Variants in PCDH10 observed in about 807,000 individuals in gnomAD.
PCDH10 encodes protocadherin-10.
A neutral mutation model predicts 74.4 loss-of-function variants in PCDH10; 15 were observed. The ratio of observed to expected loss-of-function variants is 0.20; its 90% CI spans 0.13 to 0.31. PCDH10 has a LOEUF of 0.31. Ranked by LOEUF, PCDH10 falls within the 10% of genes least tolerant of loss-of-function variation. The pLI is 1.00. For missense variants in PCDH10, 1,260 were observed against 1,390.2 expected (o/e 0.91, Z 1.49); for synonymous variants, 619 against 589.8 (o/e 1.05, Z -0.72).
intron 4 of PCDH10, among the ~76,000 whole-genome samples, chr4:133,184,031 A>T (rs1727474707): frequency 6.6e-6 from 1 of 152,154 alleles, no homozygotes; most frequent in African/African-American, 2.4e-5. Context: ...AGTATTCAAT[A>T]TACACATAAA....
Position 133,150,932 on chromosome 4 carries a change from C to G in PCDH10, c.792C>G (p.Pro264=), listed in dbSNP as rs139977349. 53 of 1,613,788 alleles carry G rather than the reference C, an allele frequency of 3.3e-5. No individual in the cohort carries two copies. The highest frequency in any genetic ancestry group is 4.2e-5 in the Non-Finnish European group (49 of 1,180,044). The change falls in exon 1 of 5, where the codon CCC becomes CCG. Residue 264 remains proline, a synonymous_variant. Coordinates refer to ENST00000264360, the MANE Select transcript of PCDH10 (RefSeq NM_032961.3). ...VYTVSLPENS[P]PGTLVIQLNA... ...CTGTGTCCCTACCAGAGAACTCTCCCCCAGGCACTCTCGTGATCCAGCTCA... is the reference window on the plus strand; with the variant it reads ...CTGTGTCCCTACCAGAGAACTCTCCGCCAGGCACTCTCGTGATCCAGCTCA...
intron 4 of PCDH10, among the ~76,000 whole-genome samples, chr4:133,175,409 GC>G (rs879603665): frequency 2.0e-4 from 30 of 152,038 alleles, no homozygotes; most frequent in Non-Finnish European, 4.0e-4. Context: ...TGTTTTCCAA[GC>G]ACAGTGGTCT....
rs1578557626 is a variant in PCDH10, at chr4:133,152,251, G to T, written c.2111G>T (p.Arg704Leu). The change falls in exon 1 of 5, where the codon CGC becomes CTC. Residue 704 changes from arginine (R) to leucine (L), a missense_variant. Physicochemically the swap from Arg to Leu is moderately radical, Grantham distance 102. Coordinates refer to ENST00000264360, the MANE Select transcript of PCDH10 (RefSeq NM_032961.3). ...TCAGGAGAGCACCAGCGCCCCAGTC[G>T]CTCTGGCGGCGGGGAAACCTCGCTA... ...GGSGEHQRPS[R>L]SGGGETSLDL... 6.2e-7 allele frequency: 1 copy of T among 1,611,894 alleles called. No homozygotes were observed. The highest frequency in any genetic ancestry group is 8.5e-7 in the Non-Finnish European group (1 of 1,178,856).
chr4:133,151,981 C>A lies in PCDH10; in HGVS notation c.1841C>A (p.Ala614Asp). 6.2e-7 allele frequency: 1 copy of A among 1,612,672 alleles called. No individual in the cohort carries two copies. Residue 614 changes from alanine to aspartate, a missense_variant, in exon 1 of 5, where the codon GCC becomes GAC. Transcript: ENST00000264360. ...GTGGACGCGGACGACGGCGAGAACG[C>A]CCGGCTCACTTACAGCATCGTGCGT... ...AAVDADDGEN[A>D]RLTYSIVRGN...
At chr4:133,202,392 G>T (rs909439680) in intron 2 of PCDH10, among the ~76,000 whole-genome samples, 1 of 152,152 alleles carries the variant, frequency 6.6e-6, no homozygotes, top group Non-Finnish European at 1.5e-5. Flanking sequence ...GTACATGGAA[G>T]TTGCACTGAG....
At chr4:133,183,101 G>T (rs1236952510) in intron 4 of PCDH10, among the ~76,000 whole-genome samples, 1 of 151,954 alleles carries the variant, frequency 6.6e-6, no homozygotes, top group Non-Finnish European at 1.5e-5. Context: ...ATATTCAAAT[G>T]TTTTGTCTAT....
At chr4:133,185,171 TATAA>T (rs1321827864) in intron 4 of PCDH10, among the ~76,000 whole-genome samples, 1 of 148,098 alleles carries the variant, frequency 6.8e-6, no homozygotes, top group African/African-American at 2.4e-5. Flanking sequence ...TATTTACACA[TATAA>T]ATAAATATAT....
chr4:133,168,101 T>C (rs1241991991), intron 4 of PCDH10, among the ~76,000 whole-genome samples: 1 of 151,486 alleles, frequency 6.6e-6, no homozygotes, highest in African/African-American at 2.4e-5. Context: ...AACTAACTGA[T>C]GCAGCAGTTG....
chr4:133,169,659 T>C (rs1237307075), intron 4 of PCDH10, among the ~76,000 whole-genome samples: 2 of 151,866 alleles, frequency 1.3e-5, no homozygotes, highest in Non-Finnish European at 2.9e-5. Context: ...TGAAAAGAAA[T>C]ATCTACTTGG....
At chr4:133,168,194 T>G (rs185059258) in intron 4 of PCDH10, among the ~76,000 whole-genome samples, 6 of 151,444 alleles carry the variant, frequency 4.0e-5, no homozygotes, top group African/African-American at 1.4e-4. Flanking sequence ...GTCGTCTATC[T>G]CAGCTAGTAG....
chr4:133,180,044 A>G (rs749171099), intron 4 of PCDH10, among the ~76,000 whole-genome samples: 9 of 151,574 alleles, frequency 5.9e-5, no homozygotes, highest in Non-Finnish European at 1.2e-4. Context: ...CTTCTTTCAA[A>G]TTTTCATAAT....
chr4:133,177,920 G>T (rs1463736327), intron 4 of PCDH10, among the ~76,000 whole-genome samples: 1 of 152,058 alleles, frequency 6.6e-6, no homozygotes, highest in Non-Finnish European at 1.5e-5. Context: ...GGAAGAATTT[G>T]CAGAGCTCAC....
At chr4:133,174,431 T>C (rs996877170) in intron 4 of PCDH10, among the ~76,000 whole-genome samples, 8 of 151,752 alleles carry the variant, frequency 5.3e-5, no homozygotes, top group African/African-American at 1.4e-4. Flanking sequence ...TGGCTAAACA[T>C]TAATACTAAA....
chr4:133,183,686 T>G (rs2125871210), intron 4 of PCDH10, among the ~76,000 whole-genome samples: 1 of 152,264 alleles, frequency 6.6e-6, no homozygotes, highest in African/African-American at 2.4e-5. Context: ...TGAAGTAAAT[T>G]TATTCATTGC....
At chr4:133,202,364 C>T (rs979592157) in intron 2 of PCDH10, among the ~76,000 whole-genome samples, 9 of 152,238 alleles carry the variant, frequency 5.9e-5, no homozygotes, top group South Asian at 4.2e-4. Flanking sequence ...ATTAAACTAG[C>T]GGCTCGAGGT....
chr4:133,204,618 T>C (rs146081651), intron 2 of PCDH10, among the ~76,000 whole-genome samples: 100 of 152,282 alleles, frequency 6.6e-4, no homozygotes, highest in African/African-American at 2.2e-3. Flanking sequence ...AACCAATTAG[T>C]GGTTTGTTCC....
At chr4:133,154,244 A>T in intron 1 of PCDH10, 63 bp from the exon 2 acceptor site, 1 of 1,014,764 alleles carries the variant, frequency 9.9e-7, no homozygotes, top group Non-Finnish European at 1.5e-6. Flanking sequence ...CTAACCTCAA[A>T]AGTAGACTGC....
At position 133,200,761 on chromosome 4, in the gene PCDH10, T is replaced by C. The variant is rs1330023433; in HGVS notation, n.438-7315T>C. Among the ~76,000 whole-genome samples the C allele has an allele frequency of 2.0e-5, 3 of 152,168 alleles. No individual in the cohort carries two copies. In the East Asian group the frequency reaches 5.8e-4, roughly 29 times the overall value. On this transcript the variant is annotated intron_variant and non_coding_transcript_variant, in intron 2 of 2. Transcript: ENST00000511112. ...AAACTTAACAACCCACCCTAATCCT[T>C]TCTCTTGACTCTGAGTTCTCCACCT...
At position 133,151,844 on chromosome 4, in the gene PCDH10, T is replaced by C. The variant is rs770949531; in HGVS notation, c.1704T>C (p.Asn568=). The C allele has an allele frequency of 6.2e-6, 10 of 1,613,042 alleles. No homozygotes were observed. The highest frequency in any genetic ancestry group is 1.1e-5 in the South Asian group (1 of 91,082). The part of the protein sequence containing the change: ...ATVNILIVDQ[N]DNAPAIVAPL... ...TCAACATCCTCATAGTGGATCAAAA[T>C]GACAACGCCCCTGCCATCGTGGCGC... The change falls in exon 1 of 5, where the codon AAT becomes AAC. Residue 568 remains asparagine (N), a synonymous_variant. Coordinates refer to ENST00000264360, the MANE Select transcript of PCDH10 (RefSeq NM_032961.3).
Sources: allele counts gnomAD v4.1 joint callset (sites outside exome capture counted in the v4.1 genomes callset), GRCh38; gene constraint gnomAD v4.1.1; transcripts MANE v1.5; gene names NCBI Gene and HGNC (gene_info 2026-07-23, HGNC 2026-07-21).